The following NETO1 variants were observed in gnomAD, a reference collection of about 807,000 sequenced individuals.
NETO1 encodes the protein neuropilin and tolloid like 1.
In NETO1, 26 loss-of-function variants were observed where a neutral mutation model predicts 61.3. That is an observed-to-expected ratio of 0.42 (90% CI 0.31 to 0.59). The LOEUF (loss-of-function observed/expected upper bound fraction) is 0.59. Ranked by LOEUF, NETO1 falls within the 20% of genes least tolerant of loss-of-function variation. The probability of loss-of-function intolerance (pLI) is 0.12; values close to 1 mark genes in which losing one functional copy is unlikely to be tolerated. For missense variants in NETO1, 531 were observed against 662.8 expected (o/e 0.80, Z 2.18); for synonymous variants, 225 against 225.8 (o/e 1.00, Z 0.03).
At chr18:72,866,795 C>T in intron 1 of NETO1, 1 of 996,718 alleles carries the variant, frequency 1.0e-6, no homozygotes, top group Non-Finnish European at 1.2e-6. Flanking sequence ...TGGAAGCTGA[C>T]CCTCGCCCTT....
chr18:72,833,094 T>C (rs1448569097), intron 4 of NETO1, among the ~76,000 whole-genome samples: 1 of 152,206 alleles, frequency 6.6e-6, no homozygotes, highest in East Asian at 1.9e-4. Context: ...CTTTTGTGAA[T>C]TCAACTTAAA....
At chr18:72,866,792 T>C in intron 1 of NETO1, 1 of 996,234 alleles carries the variant, frequency 1.0e-6, no homozygotes, top group Non-Finnish European at 1.2e-6. Flanking sequence ...GGGTGGAAGC[T>C]GACCCTCGCC....
intron 4 of NETO1, among the ~76,000 whole-genome samples, chr18:72,846,356 T>C (rs1176377364): frequency 6.6e-6 from 1 of 151,214 alleles, no homozygotes. Flanking sequence ...AATTAAAAAA[T>C]TAGCTGGGCA....
intron 4 of NETO1, among the ~76,000 whole-genome samples, chr18:72,819,070 C>T (rs1301656699): frequency 2.0e-5 from 3 of 152,078 alleles, no homozygotes; most frequent in African/African-American, 7.2e-5. Flanking sequence ...TTTATAAAGC[C>T]ATGAGTGAAT....
At chr18:72,782,738 A>C (rs2071786612) in intron 7 of NETO1, among the ~76,000 whole-genome samples, 1 of 152,144 alleles carries the variant, frequency 6.6e-6, no homozygotes, top group Non-Finnish European at 1.5e-5. Context: ...CGGGAGGCAA[A>C]GGTTGCTGTG....
chr18:72,742,711 A>T (rs145011960), downstream of NETO1: 7 of 152,328 alleles, frequency 4.6e-5, no homozygotes, highest in South Asian at 4.1e-4. Flanking sequence ...TCAAAGCTTG[A>T]TTCATCATTG....
At chr18:72,786,056 T>C (rs1035372209) in intron 6 of NETO1, among the ~76,000 whole-genome samples, 1 of 152,240 alleles carries the variant, frequency 6.6e-6, no homozygotes, top group African/African-American at 2.4e-5. Flanking sequence ...ATTTTACACA[T>C]AGTAAACACT....
chr18:72,839,992 C>T (rs2073877659), intron 4 of NETO1, among the ~76,000 whole-genome samples: 1 of 152,190 alleles, frequency 6.6e-6, no homozygotes, highest in Non-Finnish European at 1.5e-5. Flanking sequence ...CGCTGCGATG[C>T]TGTTGGTCAG....
chr18:72,749,210 A>G, intron 9 of NETO1, 122 bp from the exon 10 acceptor site: 1 of 654,794 alleles, frequency 1.5e-6, no homozygotes, highest in Non-Finnish European at 2.7e-6. Flanking sequence ...TTATGTCAGC[A>G]TGCAAAACAT....
intron 4 of NETO1, among the ~76,000 whole-genome samples, chr18:72,811,656 C>T (rs554438873): frequency 1.8e-4 from 27 of 152,016 alleles, no homozygotes; most frequent in Non-Finnish European, 3.5e-4. Flanking sequence ...TAAAGTAAAA[C>T]GAGCCGGGTG....
At chr18:72,795,237 GC>G (rs1365201700) in intron 4 of NETO1, among the ~76,000 whole-genome samples, 1 of 152,176 alleles carries the variant, frequency 6.6e-6, no homozygotes, top group Non-Finnish European at 1.5e-5. Context: ...ATAAAGATGA[GC>G]CTTTTAGAGA....
At chr18:72,816,599 C>G (rs189524861) in intron 4 of NETO1, among the ~76,000 whole-genome samples, 45 of 152,260 alleles carry the variant, frequency 3.0e-4, no homozygotes, top group Non-Finnish European at 5.4e-4. Context: ...TGGAGAACCT[C>G]TCCAGGCAGC....
chr18:72,857,526 A>G (rs1449584281), intron 4 of NETO1, among the ~76,000 whole-genome samples: 2 of 152,238 alleles, frequency 1.3e-5, no homozygotes, highest in Admixed American at 1.3e-4. Flanking sequence ...CAGAATGAAA[A>G]TATAACTTAT....
chr18:72,783,521 G>C (rs1905272591), intron 7 of NETO1, among the ~76,000 whole-genome samples, 157 bp downstream of exon 7: 1 of 152,166 alleles, frequency 6.6e-6, no homozygotes, highest in Non-Finnish European at 1.5e-5. Context: ...TCCTGTCATG[G>C]ATCAAAATGA....
intron 3 of NETO1, 112 bp from the exon 4 acceptor site, chr18:72,859,186 G>T: frequency 9.9e-7 from 1 of 1,006,848 alleles, no homozygotes; most frequent in Non-Finnish European, 1.4e-6. Flanking sequence ...CTTTATGGAT[G>T]ATATGCATAG....
chr18:72,790,116 A>G (rs1329303544), intron 6 of NETO1, among the ~76,000 whole-genome samples: 2 of 152,164 alleles, frequency 1.3e-5, no homozygotes, highest in Non-Finnish European at 2.9e-5. Flanking sequence ...AAATGAGTAA[A>G]CTGTGTAAGC....
At chr18:72,743,671 G>A, downstream of NETO1, 1 of 152,018 alleles carries the variant, frequency 6.6e-6, no homozygotes, top group East Asian at 1.9e-4. Flanking sequence ...GAAGGAGCTT[G>A]GTAGACAGAC....
At chr18:72,818,242 A>G (rs758278206) in intron 4 of NETO1, among the ~76,000 whole-genome samples, 15 of 152,260 alleles carry the variant, frequency 9.9e-5, no homozygotes, top group Admixed American at 2.6e-4. Context: ...CTGTCTATTC[A>G]CTGTTAGAAG....
chr18:72,795,792 A>G (rs533969127), intron 4 of NETO1, among the ~76,000 whole-genome samples: 1 of 152,310 alleles, frequency 6.6e-6, no homozygotes, highest in African/African-American at 2.4e-5. Context: ...ATTTTCAAGT[A>G]TATTATAGGA....
Sources: gnomAD v4.1 joint callset for allele counts (sites outside exome capture counted in the v4.1 genomes callset) on GRCh38, gnomAD v4.1.1 for gene constraint, MANE v1.5 for transcripts, NCBI Gene and HGNC (gene_info 2026-07-23, HGNC 2026-07-21) for gene names.